Variants in CFAP299 observed in about 807,000 individuals in gnomAD.
CFAP299 encodes the protein cilia- and flagella-associated protein 299.
In CFAP299, 21 loss-of-function variants were observed where a neutral mutation model predicts 27.0. That is an observed-to-expected ratio of 0.78 (90% confidence interval 0.55 to 1.12). The LOEUF is 1.12. Ranked by LOEUF, CFAP299 falls within the 50% of genes most tolerant of loss-of-function variation. CFAP299 has a pLI of 0.00. For missense variants in CFAP299, 310 were observed against 276.6 expected (o/e 1.12, Z -0.86); for synonymous variants, 104 against 98.1 (o/e 1.06, Z -0.36).
intron 2 of CFAP299, among the ~76,000 whole-genome samples, chr4:80,445,978 C>T (rs1413372318): frequency 6.6e-6 from 1 of 152,174 alleles, no homozygotes; most frequent in African/African-American, 2.4e-5. Flanking sequence ...TATTCTTTCA[C>T]TCCGCCTGAA....
chr4:80,469,933 A>G (rs1281446814), intron 2 of CFAP299, among the ~76,000 whole-genome samples: 2 of 152,148 alleles, frequency 1.3e-5, no homozygotes, highest in Non-Finnish European at 2.9e-5. Flanking sequence ...TAGTAAAAAC[A>G]TAAAATTGAG....
chr4:80,850,118 C>T (rs1411726375), intron 3 of CFAP299, among the ~76,000 whole-genome samples: 1 of 152,178 alleles, frequency 6.6e-6, no homozygotes, highest in African/African-American at 2.4e-5. Flanking sequence ...GGAATAGATA[C>T]TTCAACTTTC....
chr4:80,933,199 A>G (rs1383912990), intron 4 of CFAP299, among the ~76,000 whole-genome samples: 2 of 145,438 alleles, frequency 1.4e-5, no homozygotes, highest in African/African-American at 5.1e-5. Flanking sequence ...TTCTTTTGAG[A>G]AAACTTAGGA....
At chr4:80,448,883 C>T (rs2110094548) in intron 2 of CFAP299, among the ~76,000 whole-genome samples, 1 of 152,260 alleles carries the variant, frequency 6.6e-6, no homozygotes, top group South Asian at 2.1e-4. Context: ...GTGCTTGGTG[C>T]TGCAGATGAT....
At chr4:80,585,442 A>T (rs1331823528) in intron 3 of CFAP299, among the ~76,000 whole-genome samples, 2 of 152,142 alleles carry the variant, frequency 1.3e-5, no homozygotes, top group Non-Finnish European at 2.9e-5. Context: ...TCTATTACTA[A>T]GTTATTTTTT....
upstream of CFAP299, among the ~76,000 whole-genome samples, chr4:80,333,749 T>C (rs1226828489): frequency 1.3e-5 from 2 of 152,248 alleles, no homozygotes. Flanking sequence ...ATGGAATTTC[T>C]GGGATCGGTG....
intron 2 of CFAP299, among the ~76,000 whole-genome samples, chr4:80,451,104 G>A (rs993780359): frequency 1.3e-5 from 2 of 152,118 alleles, no homozygotes; most frequent in African/African-American, 4.8e-5. Context: ...CAACAGAAAT[G>A]TATTTTCTTA....
At chr4:80,629,674 G>T (rs1283536273) in intron 3 of CFAP299, among the ~76,000 whole-genome samples, 1 of 152,046 alleles carries the variant, frequency 6.6e-6, no homozygotes, top group African/African-American at 2.4e-5. Flanking sequence ...GAGGTCAGGA[G>T]TTCAAGACCA....
At chr4:80,774,586 C>G (rs1434853338) in intron 3 of CFAP299, among the ~76,000 whole-genome samples, 3 of 151,832 alleles carry the variant, frequency 2.0e-5, no homozygotes, top group Admixed American at 6.6e-5. Flanking sequence ...CTCAAATTCA[C>G]CTTTAATTAA....
At chr4:80,606,385 A>T (rs886561858) in intron 3 of CFAP299, among the ~76,000 whole-genome samples, 4 of 152,022 alleles carry the variant, frequency 2.6e-5, no homozygotes, top group African/African-American at 9.7e-5. Context: ...AAATATAAAA[A>T]ATTAGCTGGG....
At chr4:80,665,667 G>A (rs1294716928) in intron 3 of CFAP299, among the ~76,000 whole-genome samples, 1 of 152,036 alleles carries the variant, frequency 6.6e-6, no homozygotes, top group Non-Finnish European at 1.5e-5. Flanking sequence ...GTTATCATTT[G>A]CATTTAAGGT....
chr4:80,598,101 G>A (rs963762968), intron 3 of CFAP299, among the ~76,000 whole-genome samples: 4 of 152,214 alleles, frequency 2.6e-5, no homozygotes, highest in African/African-American at 9.6e-5. Flanking sequence ...TTGCAGGTCT[G>A]AGTTGAAGTT....
At chr4:80,667,884 T>C (rs1277381743) in intron 3 of CFAP299, among the ~76,000 whole-genome samples, 1 of 152,138 alleles carries the variant, frequency 6.6e-6, no homozygotes, top group African/African-American at 2.4e-5. Context: ...TTTAATTTTT[T>C]TAGGAACCTC....
intron 3 of CFAP299, among the ~76,000 whole-genome samples, chr4:80,737,196 G>A (rs1723955212): frequency 1.3e-5 from 2 of 151,686 alleles, no homozygotes; most frequent in Admixed American, 6.6e-5. Flanking sequence ...ATAGCATTGG[G>A]AGATGTACCT....
In CFAP299 at chr4:80,477,260, G is replaced by C. The variant is rs552408375; in HGVS notation, c.243-105833G>C. Among the ~76,000 whole-genome samples, 3 of 152,108 alleles carry C rather than the reference G, an allele frequency of 2.0e-5. No homozygotes were observed. In the South Asian group the frequency reaches 6.2e-4, roughly 32 times the overall value. On this transcript the variant is annotated intron_variant, in intron 2 of 5. Coordinates refer to ENST00000358105, the MANE Select transcript of CFAP299 (RefSeq NM_152770.3). ...TATTTTTTGTAGAGACAGGGTTTCT[G>C]TATGTTGCCTACACTGGTCTTGAAC...
At chr4:80,431,540 T>C (rs1469752493) in intron 2 of CFAP299, among the ~76,000 whole-genome samples, 1 of 151,964 alleles carries the variant, frequency 6.6e-6, no homozygotes, top group Non-Finnish European at 1.5e-5. Context: ...CCTTCTCTTC[T>C]TTCCCTTCCC....
At chr4:80,559,805 C>A (rs532390600) in intron 2 of CFAP299, among the ~76,000 whole-genome samples, 1 of 152,122 alleles carries the variant, frequency 6.6e-6, no homozygotes. Context: ...ACAGAATTGA[C>A]GAAACTAGTA....
At chr4:80,343,799 TAAAA>T (rs35187249) in intron 1 of CFAP299, among the ~76,000 whole-genome samples, 80 of 75,354 alleles carry the variant, frequency 1.1e-3, no homozygotes, top group Admixed American at 1.5e-3. Context: ...AGACTCCGTC[TAAAA>T]AAAAAAAAAA....
chr4:80,809,128 G>A (rs1729011957), intron 3 of CFAP299, among the ~76,000 whole-genome samples: 1 of 152,130 alleles, frequency 6.6e-6, no homozygotes, highest in South Asian at 2.1e-4. Context: ...ACTATTTATA[G>A]CTGGGGCTAT....
Sources: gnomAD v4.1 joint callset for allele counts (sites outside exome capture counted in the v4.1 genomes callset) on GRCh38, gnomAD v4.1.1 for gene constraint, MANE v1.5 for transcripts, NCBI Gene and HGNC (gene_info 2026-07-23, HGNC 2026-07-21) for gene names.